OPRL1: variants seen among roughly 807,000 people sequenced by gnomAD.
OPRL1 encodes the protein nociceptin receptor.
In OPRL1, 5 loss-of-function variants were observed where a neutral mutation model predicts 15.5. The observed-to-expected ratio is 0.32, with a 90% CI of 0.17 to 0.68. OPRL1 has a LOEUF of 0.68. OPRL1 is among the 30% of genes least tolerant of loss of function. The pLI is 0.72. For synonymous variants in OPRL1, 223 were observed against 230.2 expected (o/e 0.97, Z 0.28); for missense variants, 406 against 515.3 (o/e 0.79, Z 2.05).
chr20:64,084,203 T>C (rs921549849), intron 1 of OPRL1: 1 of 1,424,188 alleles, frequency 7.0e-7, no homozygotes. Context: ...CCCGCCCTCC[T>C]TCGCTGGCGG....
At position 64,083,499 on chromosome 20, in the gene OPRL1, C is replaced by T; in HGVS notation, c.-185+3147C>T. 2 of 1,587,212 alleles carry T rather than the reference C, an allele frequency of 1.3e-6. No individual in the cohort carries two copies. The highest frequency in any genetic ancestry group is 1.1e-5 in the South Asian group (1 of 88,598). On this transcript the variant is annotated intron_variant, in intron 1 of 4. Coordinates refer to ENST00000336866, the MANE Select transcript of OPRL1 (RefSeq NM_182647.4). This position sits in a 1 kb window ranked among gnomAD's most constrained non-coding sequence, Gnocchi z 4.9. ...GATGGTCTCCACGCGCCTCCGCTGC[C>T]GGGGAGAGAGGCTGGGGTCCGGCGT...
At chr20:64,093,141 G>A (rs1214364691) in intron 3 of OPRL1, among the ~76,000 whole-genome samples, 188 bp downstream of exon 3, 1 of 151,774 alleles carries the variant, frequency 6.6e-6, no homozygotes, top group African/African-American at 2.4e-5. Context: ...CCACAGGGAG[G>A]GGAGGGGAGG....
At chr20:64,088,136 C>T (rs1477169526) in intron 1 of OPRL1, among the ~76,000 whole-genome samples, 2 of 152,242 alleles carry the variant, frequency 1.3e-5, no homozygotes, top group African/African-American at 4.8e-5. Context: ...CCTAGCCTGG[C>T]AGCCGTATTA....
intron 1 of OPRL1, chr20:64,084,264 G>A (rs2060016470): frequency 7.5e-7 from 1 of 1,339,230 alleles, no homozygotes; most frequent in Non-Finnish European, 9.5e-7. Flanking sequence ...CGGTGCCGGG[G>A]CTGGCACCGG....
intron 1 of OPRL1, among the ~76,000 whole-genome samples, chr20:64,091,621 G>T (rs1053733889): frequency 6.6e-6 from 1 of 152,164 alleles, no homozygotes; most frequent in African/African-American, 2.4e-5. Flanking sequence ...CAGCTGGGGG[G>T]TCCGGGCCAG....
chr20:64,092,452 G>T (rs1295245731), intron 2 of OPRL1, among the ~76,000 whole-genome samples: 4 of 152,186 alleles, frequency 2.6e-5, no homozygotes, highest in Non-Finnish European at 1.5e-5. Flanking sequence ...GCGGGTGCAT[G>T]TGTGTCTTTG....
intron 1 of OPRL1, among the ~76,000 whole-genome samples, chr20:64,081,817 C>T (rs905645591): frequency 3.9e-5 from 6 of 152,170 alleles, no homozygotes; most frequent in Non-Finnish European, 5.9e-5. Context: ...GCCCGAGTGC[C>T]GGCCTGACCC....
intron 3 of OPRL1, among the ~76,000 whole-genome samples, chr20:64,096,736 A>G (rs1345019984): frequency 6.6e-6 from 1 of 150,956 alleles, no homozygotes; most frequent in Non-Finnish European, 1.5e-5. Context: ...CATCACCACT[A>G]TCATCATCAC....
intron 1 of OPRL1, among the ~76,000 whole-genome samples, chr20:64,088,735 GGGT>G (rs2060086239): frequency 2.0e-4 from 2 of 10,138 alleles, no homozygotes; most frequent in African/African-American, 3.3e-4. Flanking sequence ...TCTGTGCAAG[GGGT>G]AGGATCTGTG....
At position 64,083,953 on chromosome 20, in the gene OPRL1, G is replaced by A; in HGVS notation, c.-185+3601G>A. On this transcript the variant is annotated intron_variant, in intron 1 of 4. Transcript: ENST00000336866. The surrounding 1 kb of genome is among the most constrained non-coding windows in gnomAD (Gnocchi z 4.9). ...GCGTCCACGGGCGCGGGTCGGGCAT[G>A]CGGTACCCCGGTTCCACCGACCCGC... 2 of 1,464,778 alleles carry A rather than the reference G, an allele frequency of 1.4e-6. No individual in the cohort carries two copies. The highest frequency in any genetic ancestry group is 1.8e-6 in the Non-Finnish European group (2 of 1,114,650). The allele number at this position is 1,464,778 out of a possible 1,614,324, so 90.7% of individuals were successfully genotyped here. A position where few individuals can be genotyped will look rare whatever the true frequency, so the allele number is the denominator to read the frequency against.
Position 64,083,563 on chromosome 20 carries a change from C to G in OPRL1, c.-185+3211C>G. The G allele has an allele frequency of 6.5e-7, 1 of 1,528,588 alleles. No individual in the cohort carries two copies. The highest frequency in any genetic ancestry group is 8.8e-7 in the Non-Finnish European group (1 of 1,137,612). 94.7% of individuals were successfully genotyped at this position (1,528,588 alleles called of 1,614,324 possible). On this transcript the variant is annotated intron_variant, in intron 1 of 4. Transcript: ENST00000336866. The surrounding 1 kb of genome is among the most constrained non-coding windows in gnomAD (Gnocchi z 4.9). ...CAGGGCCCCTCCCCTTTCCCCGCCC[C>G]TACCGGGGCTTGTCTGCACCTCTTG...
intron 1 of OPRL1, among the ~76,000 whole-genome samples, chr20:64,088,933 G>GAA (rs1569272177): frequency 5.5e-5 from 1 of 18,320 alleles, no homozygotes; most frequent in African/African-American, 1.6e-4. Context: ...TCTGTGCAAG[G>GAA]GGTAGGATCT....
At position 64,098,537 on chromosome 20, in the gene OPRL1, T is replaced by C; in HGVS notation, c.851T>C (p.Leu284Pro). ...TGGACGCCTGTCCAGGTCTTCGTGC[T>C]GGCCCAAGGGCTGGGGGTTCAGCCG... ...GCWTPVQVFV[L>P]AQGLGVQPSS... The change falls in exon 5 of 5, where the codon CTG (leucine) becomes CCG (proline). Residue 284 changes from leucine to proline, a missense_variant. Leu to Pro is a moderately conservative substitution (Grantham distance 98). Transcript: ENST00000336866. 6 of 1,612,838 alleles carry C rather than the reference T, an allele frequency of 3.7e-6. No homozygotes were observed. The highest frequency in any genetic ancestry group is 5.1e-6 in the Non-Finnish European group (6 of 1,179,996).
At chr20:64,084,960 GAC>G (rs1204624220) in intron 1 of OPRL1, 1 of 152,216 alleles carries the variant, frequency 6.6e-6, no homozygotes, top group Non-Finnish European at 1.5e-5. Flanking sequence ...CCGTAGCCCA[GAC>G]TCTTTGGGCT....
intron 1 of OPRL1, among the ~76,000 whole-genome samples, chr20:64,080,706 G>A (rs1181074276): frequency 1.3e-5 from 2 of 152,100 alleles, no homozygotes; most frequent in African/African-American, 4.8e-5. Flanking sequence ...CCTGTGTCAG[G>A]GTGGCCCTGA....
intron 2 of OPRL1, 126 bp from the exon 3 acceptor site, chr20:64,092,562 C>A: frequency 1.5e-6 from 1 of 651,378 alleles, no homozygotes; most frequent in Non-Finnish European, 2.7e-6. Context: ...TGCCCGTGTG[C>A]CTCAGTGTCT....
rs1979648826 is a variant in OPRL1, at chr20:64,100,089, T to G, written c.*1290T>G. On this transcript the variant is annotated 3_prime_UTR_variant, in exon 5 of 5. Transcript: ENST00000336866. The stretch of plus-strand genomic sequence containing the variant: ...GCCAAACTGCAAAGGCTGTGGTGGC[T>G]GTGAGGACACTGCGGGGGTTGGGGG... The G allele has an allele frequency of 2.1e-5, 3 of 141,234 alleles. No homozygotes were observed. Among genetic ancestry groups the G allele is most frequent in the African/African-American group, 5.7e-5 (2 of 35,198 alleles). 8.7% of individuals were successfully genotyped at this position (141,234 alleles called of 1,614,324 possible).
intron 1 of OPRL1, among the ~76,000 whole-genome samples, chr20:64,086,288 T>A (rs1003656245): frequency 6.6e-6 from 1 of 152,218 alleles, no homozygotes; most frequent in Non-Finnish European, 1.5e-5. Flanking sequence ...AGAAGGGGCT[T>A]GTAACCTCTT....
chr20:64,095,926 G>T (rs564630952), intron 3 of OPRL1, among the ~76,000 whole-genome samples: 1 of 152,170 alleles, frequency 6.6e-6, no homozygotes, highest in East Asian at 1.9e-4. Flanking sequence ...ATGCAGCCAC[G>T]TGTATATGTA....
Sources: allele counts gnomAD v4.1 joint callset (sites outside exome capture counted in the v4.1 genomes callset), GRCh38; gene constraint gnomAD v4.1.1; non-coding constraint Gnocchi (gnomAD v3.1); transcripts MANE v1.5; gene names NCBI Gene and HGNC (gene_info 2026-07-23, HGNC 2026-07-21).